MEGF6: variants seen among roughly 807,000 people sequenced by gnomAD.
MEGF6 encodes multiple EGF like domains 6, also known as multiple epidermal growth factor-like domains protein 6.
In MEGF6, 184 loss-of-function variants were observed where a neutral mutation model predicts 207.1. That is an observed-to-expected ratio of 0.89 (90% CI 0.79 to 1.00). The LOEUF (loss-of-function observed/expected upper bound fraction) is 1.00. Ranked by LOEUF, MEGF6 falls within the 50% of genes least tolerant of loss-of-function variation. The probability of loss-of-function intolerance (pLI) is 0.00; values close to 1 mark genes in which losing one functional copy is unlikely to be tolerated. For synonymous variants in MEGF6, 1,038 were observed against 910.0 expected, an observed-to-expected ratio of 1.14 and a Z score of -2.53; for missense variants, 2,282 against 2,202.9, an observed-to-expected ratio of 1.04 and a Z score of -0.72.
At chr1:3,561,652 C>T (rs929171702) in intron 4 of MEGF6, among the ~76,000 whole-genome samples, 2 of 152,174 alleles carry the variant, frequency 1.3e-5, no homozygotes, top group South Asian at 2.1e-4. Flanking sequence ...AGACCGTTCC[C>T]GCCCGCATCC....
intron 18 of MEGF6, among the ~76,000 whole-genome samples, 157 bp downstream of exon 18, chr1:3,501,639 C>A (rs1397943069): frequency 3.9e-5 from 6 of 152,190 alleles, no homozygotes; most frequent in South Asian, 2.1e-4. Context: ...AGCCACAGAC[C>A]CCCCCTCCCT....
At chr1:3,613,641 G>T (rs1303618212), upstream of MEGF6, among the ~76,000 whole-genome samples, 1 of 152,212 alleles carries the variant, frequency 6.6e-6, no homozygotes, top group Non-Finnish European at 1.5e-5. Flanking sequence ...GGGTTCAAAA[G>T]GAGGTCTCTG....
At chr1:3,583,850 CCG>C (rs1557795265) in intron 3 of MEGF6, among the ~76,000 whole-genome samples, 25 of 2,476 alleles carry the variant, frequency 0.01, 3 homozygotes, top group African/African-American at 0.018. Flanking sequence ...ACCAGACAAC[CCG>C]CAGCCACCAG....
At chr1:3,540,528 C>T (rs2101498733) in intron 4 of MEGF6, among the ~76,000 whole-genome samples, 1 of 152,366 alleles carries the variant, frequency 6.6e-6, no homozygotes, top group South Asian at 2.1e-4. Flanking sequence ...CCATCTCTTT[C>T]CCTGCGAGGG....
chr1:3,566,538 C>A (rs1643347347), intron 4 of MEGF6, among the ~76,000 whole-genome samples: 1 of 152,184 alleles, frequency 6.6e-6, no homozygotes, highest in Admixed American at 6.5e-5. Flanking sequence ...CTGGAAGGAA[C>A]CCCGCAGGGC....
chr1:3,524,280 C>T lies in MEGF6; in HGVS notation c.482-34G>A, dbSNP rs756739893. 5 of 1,592,898 alleles carry T rather than the reference C, an allele frequency of 3.1e-6. No homozygotes were observed. The Admixed American group carries it at 5.0e-5, about 16-fold the overall frequency. On this transcript the variant is annotated intron_variant, in intron 4 of 36. Coordinates refer to ENST00000356575, the MANE Select transcript of MEGF6 (RefSeq NM_001409.4). ...GAATGGGGAAGGATCAGCAGCTGGG[C>T]ACCTGTGCCCTCCTGCTTTGCCAAC...
intron 9 of MEGF6, among the ~76,000 whole-genome samples, chr1:3,511,203 G>C (rs1007124504): frequency 7.9e-5 from 12 of 152,382 alleles, no homozygotes; most frequent in African/African-American, 2.9e-4. Flanking sequence ...ACTGGGGCTA[G>C]AGGGTGGGGA....
In MEGF6 at chr1:3,496,761, C is replaced by T. The variant is rs1640621869; in HGVS notation, c.3636G>A (p.Gly1212=). The part of the protein sequence containing the change: ...CQQRCPPGRY[G]PGCEQLCGCL... ...ACCCACACAGCTGTTCACAGCCTGG[C>T]CCATACCGCCCGGGCGGACATCCTG... The change falls in exon 29 of 37, where the codon GGG becomes GGA. Residue 1212 remains glycine (G), a synonymous_variant. Coordinates refer to ENST00000356575, the MANE Select transcript of MEGF6 (RefSeq NM_001409.4). 3.8e-6 allele frequency: 6 copies of T among 1,558,954 alleles called. No individual in the cohort carries two copies. The highest frequency in any genetic ancestry group is 5.2e-6 in the Non-Finnish European group (6 of 1,151,854).
chr1:3,553,310 G>A (rs1455909581), intron 4 of MEGF6, among the ~76,000 whole-genome samples: 3 of 151,952 alleles, frequency 2.0e-5, no homozygotes, highest in African/African-American at 4.8e-5. Flanking sequence ...TGAGCCTGGC[G>A]CCTCCAGCAG....
chr1:3,505,556 G>T lies in MEGF6; in HGVS notation c.1919C>A (p.Thr640Asn). The T allele has an allele frequency of 6.4e-7, 1 of 1,572,774 alleles. No homozygotes were observed. The highest frequency in any genetic ancestry group is 8.6e-7 in the Non-Finnish European group (1 of 1,163,200). Residue 640 changes from threonine to asparagine, a missense_variant and splice_region_variant, in exon 16 of 37, where the codon ACC becomes AAC. By Grantham distance (65) the Thr-to-Asn change is moderately conservative. Transcript: ENST00000356575. ...CGGCCCAAAGGCCCACGGCGGGCAGGCTGCACCCACAGAACCGTTGAGGGG... is the reference window on the plus strand; with the variant it reads ...CGGCCCAAAGGCCCACGGCGGGCAGTCTGCACCCACAGAACCGTTGAGGGG... ...PGLYGRFCHLTCPPWAFGPGC... is the reference protein window; with the variant it reads ...PGLYGRFCHLNCPPWAFGPGC...
At chr1:3,493,737 C>T (rs1364967457) in intron 34 of MEGF6, 34 bp downstream of exon 34, 3 of 1,603,658 alleles carry the variant, frequency 1.9e-6, no homozygotes, top group African/African-American at 1.3e-5. Context: ...GAGACCCACA[C>T]CCACGCCCTT....
intron 3 of MEGF6, among the ~76,000 whole-genome samples, chr1:3,587,286 T>C (rs1462067609): frequency 6.6e-6 from 1 of 152,222 alleles, no homozygotes; most frequent in Non-Finnish European, 1.5e-5. Flanking sequence ...TGGAAAGAAG[T>C]CAGCATCTGC....
chr1:3,505,678 A>C, intron 15 of MEGF6, 122 bp from the exon 16 acceptor site: 2 of 1,288,770 alleles, frequency 1.6e-6, no homozygotes, highest in South Asian at 1.6e-5. Flanking sequence ...GTCCTCCTCC[A>C]CCTCTCCCCC....
Position 3,495,889 on chromosome 1 carries a change from C to T in MEGF6, c.3871+1G>A, listed in dbSNP as rs1640577622. 3 of 1,598,232 alleles carry T rather than the reference C, an allele frequency of 1.9e-6. No individual in the cohort carries two copies. Among genetic ancestry groups the T allele is most frequent in the Admixed American group, 1.7e-5 (1 of 59,804 alleles). On this transcript the variant is annotated splice_donor_variant, in intron 30 of 36. Transcript: ENST00000356575. LOFTEE classifies it high-confidence loss of function. ...GCATGCCCTCTGGAGTGAACACTCA[C>T]CTCGCTCACAGCGGACGCCGGCTCT...
chr1:3,567,673 G>T (rs1539129), intron 4 of MEGF6, among the ~76,000 whole-genome samples: 63,975 of 152,030 alleles, frequency 0.42, 15,530 homozygotes, highest in African/African-American at 0.68. Context: ...TCGGTCCCTA[G>T]GAGCACCTGC....
chr1:3,515,521 T>C lies in MEGF6; in HGVS notation c.611A>G (p.Asn204Ser). Residue 204 changes from asparagine (N) to serine (S), a missense_variant, in exon 6 of 37, where the codon AAC (asparagine) becomes AGC (serine). Asn to Ser is a conservative substitution (Grantham distance 46). Coordinates refer to ENST00000356575, the MANE Select transcript of MEGF6 (RefSeq NM_001409.4). ...GCCGCCATTGCCCAGGGCGCAGGAG[T>C]TAATGGCTGGGGACACAGGGAGGAC... is the stretch of plus-strand genomic sequence containing the variant. ...HTDSRTCLAI[N>S]SCALGNGGCQ... 1 of 1,611,498 alleles carries C rather than the reference T, an allele frequency of 6.2e-7. No homozygotes were observed. Among genetic ancestry groups the C allele is most frequent in the Non-Finnish European group, 8.5e-7 (1 of 1,179,098 alleles).
intron 4 of MEGF6, among the ~76,000 whole-genome samples, chr1:3,575,623 G>A (rs573360441): frequency 0.011 from 882 of 80,306 alleles, 5 homozygotes; most frequent in Non-Finnish European, 0.015. Context: ...GCAAGGAGGA[G>A]CAAGTCACAT....
intron 2 of MEGF6, among the ~76,000 whole-genome samples, chr1:3,596,498 C>T (rs1169378638): frequency 7.0e-6 from 1 of 142,100 alleles, no homozygotes; most frequent in Non-Finnish European, 1.6e-5. Context: ...CCATCCCCTG[C>T]CCAGCCCCCG....
At chr1:3,591,223 G>A (rs995685799) in intron 3 of MEGF6, among the ~76,000 whole-genome samples, 5 of 152,196 alleles carry the variant, frequency 3.3e-5, no homozygotes, top group Admixed American at 6.5e-5. Context: ...GGAAACGCTC[G>A]GCTAACCCAG....
Sources: allele counts gnomAD v4.1 joint callset (sites outside exome capture counted in the v4.1 genomes callset), GRCh38; gene constraint gnomAD v4.1.1; transcripts MANE v1.5; gene names NCBI Gene and HGNC (gene_info 2026-07-23, HGNC 2026-07-21).